The following PBX3 variants were observed in gnomAD, a reference collection of about 807,000 sequenced individuals.
PBX3 encodes PBX homeobox 3, also known as pre-B-cell leukemia transcription factor 3.
PBX3 carries 14 observed loss-of-function variants against 48.5 expected under a neutral mutation model. That is an observed-to-expected ratio of 0.29 (90% CI 0.19 to 0.45). The LOEUF (loss-of-function observed/expected upper bound fraction) is 0.45. Ranked by LOEUF, PBX3 falls within the 20% of genes least tolerant of loss-of-function variation. PBX3 has a pLI of 1.00. For synonymous variants in PBX3, 210 were observed against 200.3 expected (o/e 1.05, Z -0.41); for missense variants, 386 against 546.7 (o/e 0.71, Z 2.93).
chr9:125,753,452 C>T (rs1027956488), intron 2 of PBX3, among the ~76,000 whole-genome samples: 2 of 152,122 alleles, frequency 1.3e-5, no homozygotes, highest in South Asian at 4.1e-4. Flanking sequence ...AGAAAAATCT[C>T]ATTGCCAAGC....
chr9:125,795,163 T>C (rs186062246), intron 2 of PBX3, among the ~76,000 whole-genome samples: 3 of 152,334 alleles, frequency 2.0e-5, no homozygotes, highest in African/African-American at 2.4e-5. Context: ...TTCTAGATGA[T>C]TGTTATTCAT....
intron 8 of PBX3, among the ~76,000 whole-genome samples, chr9:125,964,110 A>G (rs1161997470): frequency 6.6e-6 from 1 of 152,240 alleles, no homozygotes; most frequent in African/African-American, 2.4e-5. Flanking sequence ...GATTGCCTGC[A>G]GCATTTTACA....
intron 6 of PBX3, among the ~76,000 whole-genome samples, chr9:125,961,453 A>G (rs1478527463): frequency 6.6e-6 from 1 of 152,216 alleles, no homozygotes; most frequent in Admixed American, 6.5e-5. Context: ...GGGGTTAGAA[A>G]TACTTTAAAA....
At chr9:125,847,265 T>G (rs560014308) in intron 2 of PBX3, among the ~76,000 whole-genome samples, 1 of 152,130 alleles carries the variant, frequency 6.6e-6, no homozygotes, top group Non-Finnish European at 1.5e-5. Flanking sequence ...ATTTATTTCT[T>G]ATACTAATTT....
chr9:125,822,306 A>G (rs920064501), intron 2 of PBX3, among the ~76,000 whole-genome samples: 6 of 152,192 alleles, frequency 3.9e-5, no homozygotes, highest in African/African-American at 1.4e-4. Context: ...CTTTAAAAGA[A>G]TGGACTTTGT....
chr9:125,959,755 T>TA (rs1302038690), intron 5 of PBX3, among the ~76,000 whole-genome samples: 6 of 152,266 alleles, frequency 3.9e-5, no homozygotes, highest in Non-Finnish European at 7.3e-5. Context: ...TAAGAAATTA[T>TA]TGAAAAGTAT....
chr9:125,748,781 A>T, intron 2 of PBX3, 158 bp downstream of exon 2: 1 of 536,916 alleles, frequency 1.9e-6, no homozygotes, highest in African/African-American at 1.9e-5. Context: ...ACTGCAATAA[A>T]TCTGGAGTCA....
At chr9:125,875,577 C>T (rs567568177) in intron 2 of PBX3, among the ~76,000 whole-genome samples, 1 of 152,256 alleles carries the variant, frequency 6.6e-6, no homozygotes, top group African/African-American at 2.4e-5. Context: ...ATTTGGGTGG[C>T]ACTCAGTAAA....
chr9:125,945,610 A>G (rs1394955905), intron 5 of PBX3, among the ~76,000 whole-genome samples: 1 of 152,156 alleles, frequency 6.6e-6, no homozygotes, highest in Non-Finnish European at 1.5e-5. Context: ...CTGCTATCTT[A>G]TTCACCCTTA....
chr9:125,941,584 T>C (rs2132546771), intron 5 of PBX3, among the ~76,000 whole-genome samples: 1 of 152,298 alleles, frequency 6.6e-6, no homozygotes, highest in East Asian at 1.9e-4. Context: ...TCCTGATAGG[T>C]TGGATGTAGA....
intron 4 of PBX3, among the ~76,000 whole-genome samples, chr9:125,934,653 C>T (rs1222890543): frequency 6.6e-6 from 1 of 152,142 alleles, no homozygotes; most frequent in Non-Finnish European, 1.5e-5. Flanking sequence ...ATACCTCAGT[C>T]CAGGAAGTTG....
At chr9:125,867,503 G>A (rs1218712187) in intron 2 of PBX3, among the ~76,000 whole-genome samples, 1 of 151,838 alleles carries the variant, frequency 6.6e-6, no homozygotes, top group East Asian at 1.9e-4. Flanking sequence ...AGCTGGGCAT[G>A]GAGGTGCGCA....
intron 2 of PBX3, among the ~76,000 whole-genome samples, chr9:125,790,569 AT>A (rs1236876219): frequency 6.8e-6 from 1 of 147,794 alleles, no homozygotes; most frequent in Non-Finnish European, 1.5e-5. Flanking sequence ...TTTCTTTATA[AT>A]TTAATTTAAT....
At chr9:125,954,017 C>T (rs1284495880) in intron 5 of PBX3, among the ~76,000 whole-genome samples, 1 of 152,200 alleles carries the variant, frequency 6.6e-6, no homozygotes, top group Non-Finnish European at 1.5e-5. Flanking sequence ...CAGAAAGTGG[C>T]TGTGATGGAA....
chr9:125,851,063 A>C (rs917516055), intron 2 of PBX3, among the ~76,000 whole-genome samples: 2 of 152,110 alleles, frequency 1.3e-5, no homozygotes, highest in African/African-American at 4.8e-5. Context: ...TAAAACTGAC[A>C]GTAGAAATAT....
chr9:125,931,401 C>T (rs534135564), intron 4 of PBX3, among the ~76,000 whole-genome samples: 84 of 152,224 alleles, frequency 5.5e-4, no homozygotes, highest in Admixed American at 1.8e-3. Context: ...ATCCCATGCT[C>T]GAGTGATCTT....
chr9:125,899,249 G>A (rs527942173), intron 2 of PBX3, among the ~76,000 whole-genome samples: 29 of 115,658 alleles, frequency 2.5e-4, no homozygotes, highest in African/African-American at 6.0e-4. Context: ...ATATACATAT[G>A]TATATATATT....
chr9:125,752,268 AAACTTAATG>A (rs1232538383), intron 2 of PBX3, among the ~76,000 whole-genome samples: 1 of 152,172 alleles, frequency 6.6e-6, no homozygotes, highest in East Asian at 1.9e-4. Flanking sequence ...GAAGATCATA[AAACTTAATG>A]AACTTCTCTA....
chr9:125,938,319 A>C (rs202244999), intron 5 of PBX3, among the ~76,000 whole-genome samples: 6 of 152,214 alleles, frequency 3.9e-5, no homozygotes, highest in African/African-American at 1.4e-4. Context: ...CAAAGTACTT[A>C]ATAAAGACTG....
Sources: gnomAD v4.1 joint callset for allele counts (sites outside exome capture counted in the v4.1 genomes callset) on GRCh38, gnomAD v4.1.1 for gene constraint, MANE v1.5 for transcripts, NCBI Gene and HGNC (gene_info 2026-07-23, HGNC 2026-07-21) for gene names.